PLXNC1: variants seen among roughly 807,000 people sequenced by gnomAD.
The protein encoded by PLXNC1 is plexin C1, also known as plexin-C1.
A neutral mutation model predicts 178.2 loss-of-function variants in PLXNC1; 75 were observed. The observed-to-expected ratio is 0.42, with a 90% CI of 0.35 to 0.51. PLXNC1 has a LOEUF of 0.51. PLXNC1 is among the 20% of genes least tolerant of loss of function. The probability of loss-of-function intolerance (pLI) is 0.02; values close to 1 mark genes in which losing one functional copy is unlikely to be tolerated. For synonymous variants in PLXNC1, 790 were observed against 779.9 expected, an observed-to-expected ratio of 1.01 and a Z score of -0.22; for missense variants, 1,503 against 1,984.4, an observed-to-expected ratio of 0.76 and a Z score of 4.61.
At chr12:94,186,807 C>T (rs1962527896) in intron 4 of PLXNC1, 2 of 240,430 alleles carry the variant, frequency 8.3e-6, no homozygotes, top group Non-Finnish European at 1.7e-5. Context: ...GCCCCCCCTC[C>T]GAGAAGATAA....
chr12:94,154,187 C>A (rs1053752875), intron 1 of PLXNC1, among the ~76,000 whole-genome samples: 1 of 152,162 alleles, frequency 6.6e-6, no homozygotes, highest in Non-Finnish European at 1.5e-5. Flanking sequence ...GATTCTCATT[C>A]ACCATATGGG....
intron 24 of PLXNC1, among the ~76,000 whole-genome samples, chr12:94,296,044 C>A (rs1175553297): frequency 1.3e-5 from 2 of 152,212 alleles, no homozygotes; most frequent in Non-Finnish European, 2.9e-5. Flanking sequence ...TTTGGGTCCA[C>A]CATCCTTTCC....
chr12:94,254,665 C>A, intron 15 of PLXNC1, 122 bp from the exon 16 acceptor site: 1 of 723,260 alleles, frequency 1.4e-6, no homozygotes, highest in Non-Finnish European at 2.5e-6. Context: ...CTAGCTCCTG[C>A]TCTCTGTCCC....
intron 4 of PLXNC1, among the ~76,000 whole-genome samples, chr12:94,194,054 G>A (rs1456723440): frequency 6.6e-6 from 1 of 152,086 alleles, no homozygotes; most frequent in Non-Finnish European, 1.5e-5. Context: ...CTCAGCTTCT[G>A]GGGAGGCCTC....
chr12:94,188,924 A>G (rs1028493049), intron 4 of PLXNC1, among the ~76,000 whole-genome samples: 2 of 152,240 alleles, frequency 1.3e-5, no homozygotes, highest in African/African-American at 4.8e-5. Flanking sequence ...TCAGTGGCCT[A>G]CGGCCATTGA....
intron 20 of PLXNC1, chr12:94,262,852 A>T (rs1462860862): frequency 2.3e-6 from 2 of 887,718 alleles, no homozygotes; most frequent in Admixed American, 6.2e-5. Context: ...TAAGAGCTTT[A>T]CCTATCTTTT....
At chr12:94,216,232 C>T (rs748803574) in intron 5 of PLXNC1, among the ~76,000 whole-genome samples, 8 of 150,640 alleles carry the variant, frequency 5.3e-5, no homozygotes, top group Admixed American at 1.3e-4. Flanking sequence ...CGTGCCATTG[C>T]GCTCTAGCCT....
chr12:94,211,867 T>TATA (rs1190151795), intron 5 of PLXNC1, among the ~76,000 whole-genome samples: 1 of 152,262 alleles, frequency 6.6e-6, no homozygotes, highest in Non-Finnish European at 1.5e-5. Flanking sequence ...TGTCTCTATA[T>TATA]GATTATTTGA....
At chr12:94,236,384 C>G (rs1964241183) in intron 9 of PLXNC1, among the ~76,000 whole-genome samples, 2 of 152,208 alleles carry the variant, frequency 1.3e-5, no homozygotes, top group Non-Finnish European at 2.9e-5. Context: ...TGGGCAGCCC[C>G]TGTAGCCCAG....
intron 15 of PLXNC1, among the ~76,000 whole-genome samples, chr12:94,254,105 C>T (rs906256512): frequency 6.6e-6 from 1 of 152,204 alleles, no homozygotes; most frequent in Non-Finnish European, 1.5e-5. Flanking sequence ...CCCAGCATCA[C>T]AGTGAGATAG....
chr12:94,287,095 C>T (rs1966853103), intron 23 of PLXNC1, among the ~76,000 whole-genome samples: 1 of 152,226 alleles, frequency 6.6e-6, no homozygotes, highest in African/African-American at 2.4e-5. Flanking sequence ...TTAATGTCCA[C>T]AAAAACCCTG....
chr12:94,230,165 AT>A (rs1193248463), intron 9 of PLXNC1, among the ~76,000 whole-genome samples: 1 of 152,112 alleles, frequency 6.6e-6, no homozygotes, highest in Non-Finnish European at 1.5e-5. Flanking sequence ...TAATTTTATC[AT>A]TTCAATAATT....
At position 94,149,718 on chromosome 12, in the gene PLXNC1, C is replaced by A; in HGVS notation, c.747C>A (p.Tyr249Ter). ...LWNGSIYFPY[Y>*]PYNYTSGAAT... ...ACGGCAGCATCTACTTCCCCTACTA[C>A]CCCTACAACTACACGAGCGGCGCTG... The change falls in exon 1 of 31, where the codon TAC becomes TAA. Residue 249 changes from tyrosine (Y) to a stop codon, truncating the protein, a stop_gained. Transcript: ENST00000258526. LOFTEE classifies it high-confidence loss of function. 2.5e-6 allele frequency: 4 copies of A among 1,612,500 alleles called. No individual in the cohort carries two copies. Among genetic ancestry groups the A allele is most frequent in the Non-Finnish European group, 3.4e-6 (4 of 1,179,538 alleles).
chr12:94,238,714 T>C (rs560886134), intron 10 of PLXNC1, among the ~76,000 whole-genome samples: 1 of 152,226 alleles, frequency 6.6e-6, no homozygotes, highest in Non-Finnish European at 1.5e-5. Context: ...TTGTACAGCA[T>C]TCTAATCTGC....
chr12:94,301,890 C>G (rs1968499169), intron 28 of PLXNC1, among the ~76,000 whole-genome samples: 1 of 152,198 alleles, frequency 6.6e-6, no homozygotes, highest in Admixed American at 6.5e-5. Flanking sequence ...CTTCCAACCT[C>G]TATCCCCAAA....
intron 9 of PLXNC1, among the ~76,000 whole-genome samples, chr12:94,237,002 C>G (rs990435169): frequency 6.6e-6 from 1 of 152,046 alleles, no homozygotes; most frequent in Non-Finnish European, 1.5e-5. Context: ...GCAAGGGACT[C>G]CAAGGGACAT....
intron 22 of PLXNC1, among the ~76,000 whole-genome samples, chr12:94,280,780 G>T (rs960561415): frequency 6.6e-6 from 1 of 152,226 alleles, no homozygotes; most frequent in Non-Finnish European, 1.5e-5. Flanking sequence ...TACCCCGCCC[G>T]ACAGTCTTGG....
intron 27 of PLXNC1, among the ~76,000 whole-genome samples, chr12:94,299,033 T>C (rs1019424236): frequency 2.0e-5 from 3 of 152,234 alleles, no homozygotes; most frequent in Admixed American, 6.5e-5. Flanking sequence ...TGGTGCATGA[T>C]ACTTTGTCTA....
At position 94,282,461 on chromosome 12, in the gene PLXNC1, A is replaced by G; in HGVS notation, c.3879+60A>G. 6 of 1,126,926 alleles carry G rather than the reference A, an allele frequency of 5.3e-6. No individual in the cohort carries two copies. The Middle Eastern group carries it at 9.9e-4, about 186-fold the overall frequency. The allele number at this position is 1,126,926 out of a possible 1,614,324, so 69.8% of individuals were successfully genotyped here. A position where few individuals can be genotyped will look rare whatever the true frequency, so the allele number is the denominator to read the frequency against. ...CATCCCCAATCCTAGTCCCATGGAC[A>G]TTCTTTTAAAACATCCAGGACTCCC... On this transcript the variant is annotated intron_variant, in intron 23 of 30. Coordinates refer to ENST00000258526, the MANE Select transcript of PLXNC1 (RefSeq NM_005761.3).
Sources: gnomAD v4.1 joint callset for allele counts (sites outside exome capture counted in the v4.1 genomes callset) on GRCh38, gnomAD v4.1.1 for gene constraint, MANE v1.5 for transcripts, NCBI Gene and HGNC (gene_info 2026-07-23, HGNC 2026-07-21) for gene names.